TPRG1: variants seen among roughly 807,000 people sequenced by gnomAD.
TPRG1 encodes tumor protein p63 regulated 1, also known as tumor protein p63-regulated gene 1 protein.
In TPRG1, 29 loss-of-function variants were observed where a neutral mutation model predicts 29.3. The ratio of observed to expected loss-of-function variants is 0.99; its 90% CI spans 0.74 to 1.35. The LOEUF is 1.35. Ranked by LOEUF, TPRG1 falls within the 40% of genes most tolerant of loss-of-function variation. TPRG1 has a pLI of 0.00. For missense variants in TPRG1, 327 were observed against 335.0 expected, an observed-to-expected ratio of 0.98 and a Z score of 0.19; for synonymous variants, 130 against 116.8, an observed-to-expected ratio of 1.11 and a Z score of -0.73.
intron 4 of TPRG1, among the ~76,000 whole-genome samples, chr3:189,302,041 G>A (rs1720919825): frequency 6.6e-6 from 1 of 152,108 alleles, no homozygotes; most frequent in South Asian, 2.1e-4. Flanking sequence ...TACAAATTAT[G>A]GCACATAGCA....
chr3:189,098,087 G>C (rs1212911868), upstream of TPRG1, among the ~76,000 whole-genome samples: 1 of 152,220 alleles, frequency 6.6e-6, no homozygotes, highest in Admixed American at 6.5e-5. Context: ...TCAGGGGCCA[G>C]TGACCTAGTC....
intron 4 of TPRG1, among the ~76,000 whole-genome samples, chr3:189,272,674 C>G (rs1023232758): frequency 3.5e-5 from 5 of 143,146 alleles, no homozygotes; most frequent in Admixed American, 1.4e-4. Context: ...TTCTTCCTTC[C>G]TTTCTTTCCT....
At chr3:189,210,583 T>C (rs1397723368) in intron 2 of TPRG1, among the ~76,000 whole-genome samples, 1 of 152,236 alleles carries the variant, frequency 6.6e-6, no homozygotes, top group Non-Finnish European at 1.5e-5. Flanking sequence ...ATTCTCAATC[T>C]TTACTATGCA....
Position 189,088,968 on chromosome 3 carries a change from ATATCTATCTATCTATC to A in TPRG1, c.-462-38057_-462-38042del, listed in dbSNP as rs36139441. On this transcript the variant is annotated intron_variant, in intron 4 of 10. Transcript: ENST00000433971. ...CTGTCAGATATATGTGTATCTATTG[ATATCTATCTATCTATC>A]TATCTATCTATCTATCTATCTATCT... is the stretch of plus-strand genomic sequence containing the variant. Among the ~76,000 whole-genome samples, 435 of 148,996 alleles carry A rather than the reference ATATCTATCTATCTATC, an allele frequency of 2.9e-3. 2 individuals are homozygous for A. The highest frequency in any genetic ancestry group is 9.6e-3 in the African/African-American group (387 of 40,386).
chr3:189,310,424 C>T lies in TPRG1; in HGVS notation c.518C>T (p.Pro173Leu), dbSNP rs745626174. The T allele has an allele frequency of 2.1e-5, 34 of 1,610,820 alleles. No homozygotes were observed. The highest frequency in any genetic ancestry group is 8.9e-5 in the East Asian group (4 of 44,804). ...GEGLRIYWGS[P>L]EEQSLLSRWN... is the part of the protein sequence containing the mutation. ...GGCCTTAGGATCTACTGGGGGAGTC[C>T]GGAGGAGCAGTCTCTTCTGTCCCGC... Residue 173 changes from proline to leucine, a missense_variant, in exon 5 of 6, where the codon CCG becomes CTG. Transcript: ENST00000345063.
chr3:189,083,066 A>G (rs1038912404), intron 4 of TPRG1, among the ~76,000 whole-genome samples: 1 of 152,090 alleles, frequency 6.6e-6, no homozygotes, highest in Non-Finnish European at 1.5e-5. Flanking sequence ...ATTGAGTGCT[A>G]TAATTAGTGG....
At chr3:188,998,658 C>A (rs771296205) in intron 1 of TPRG1, among the ~76,000 whole-genome samples, 8 of 152,060 alleles carry the variant, frequency 5.3e-5, no homozygotes, top group Non-Finnish European at 1.0e-4. Flanking sequence ...GGAATGAAAC[C>A]CTGTCATTTG....
At chr3:189,019,146 T>A (rs1223198965) in intron 3 of TPRG1, among the ~76,000 whole-genome samples, 1 of 150,532 alleles carries the variant, frequency 6.6e-6, no homozygotes, top group Non-Finnish European at 1.5e-5. Flanking sequence ...GACAATGGGG[T>A]TTTCTAGATA....
At position 189,321,359 on chromosome 3, in the gene TPRG1, T is replaced by A. The variant is rs1253391156; in HGVS notation, c.*539T>A. ...TATCAGTGTCCCAGTGGCCTCTTAA[T>A]TGAGCATTATCAAAATCCTGTGGTA... On this transcript the variant is annotated 3_prime_UTR_variant, in exon 6 of 6. Transcript: ENST00000345063. 4 of 152,070 alleles carry A rather than the reference T, an allele frequency of 2.6e-5. No homozygotes were observed. The highest frequency in any genetic ancestry group is 9.7e-5 in the African/African-American group (4 of 41,436). The allele number at this position is 152,070 out of a possible 1,614,324, so 9.4% of individuals were successfully genotyped here.
intron 4 of TPRG1, among the ~76,000 whole-genome samples, chr3:189,244,199 G>A (rs752192657): frequency 3.9e-5 from 6 of 152,172 alleles, no homozygotes; most frequent in Non-Finnish European, 5.9e-5. Context: ...GGAGGCCAAG[G>A]TGGATGGATC....
chr3:189,153,066 A>G (rs1346585400), intron 5 of TPRG1, among the ~76,000 whole-genome samples: 1 of 152,218 alleles, frequency 6.6e-6, no homozygotes, highest in Non-Finnish European at 1.5e-5. Context: ...AATGGGAAAA[A>G]CTTTTGACTT....
intron 3 of TPRG1, among the ~76,000 whole-genome samples, chr3:189,009,782 C>CT (rs965594330): frequency 4.6e-5 from 7 of 151,550 alleles, no homozygotes; most frequent in South Asian, 4.2e-4. Flanking sequence ...AATTCTCTCT[C>CT]TTTTTTTTAT....
At chr3:189,166,050 A>C (rs1229048264) in intron 5 of TPRG1, among the ~76,000 whole-genome samples, 1 of 152,212 alleles carries the variant, frequency 6.6e-6, no homozygotes, top group Non-Finnish European at 1.5e-5. Context: ...AGTCCCCAAC[A>C]ACATAATAAA....
At chr3:189,309,206 T>C (rs1051643264) in intron 4 of TPRG1, among the ~76,000 whole-genome samples, 23 of 152,264 alleles carry the variant, frequency 1.5e-4, no homozygotes, top group Non-Finnish European at 8.8e-5. Flanking sequence ...TACTTTCCTT[T>C]TGTGAGAAAA....
intron 3 of TPRG1, among the ~76,000 whole-genome samples, chr3:189,021,772 T>C (rs1223733409): frequency 3.3e-5 from 5 of 152,118 alleles, no homozygotes; most frequent in Non-Finnish European, 7.4e-5. Context: ...AATTTGAACG[T>C]TGGCCTGCCT....
intron 4 of TPRG1, among the ~76,000 whole-genome samples, chr3:189,075,811 G>A (rs1277316482): frequency 6.6e-6 from 1 of 152,102 alleles, no homozygotes; most frequent in East Asian, 1.9e-4. Flanking sequence ...TTATGCACGG[G>A]GATAACCCCA....
chr3:189,181,346 C>A (rs113019221), intron 1 of TPRG1, among the ~76,000 whole-genome samples: 12,814 of 152,244 alleles, frequency 0.084, 646 homozygotes, highest in East Asian at 0.16. Context: ...CTCAGTCAGG[C>A]TGCAAATTTC....
At chr3:189,083,226 G>A (rs1231154753) in intron 4 of TPRG1, among the ~76,000 whole-genome samples, 1 of 152,168 alleles carries the variant, frequency 6.6e-6, no homozygotes, top group Non-Finnish European at 1.5e-5. Flanking sequence ...ATACTGCATG[G>A]AAGCCAGCAC....
intron 1 of TPRG1, among the ~76,000 whole-genome samples, chr3:189,193,442 A>C (rs1732025990): frequency 6.6e-6 from 1 of 152,070 alleles, no homozygotes; most frequent in African/African-American, 2.4e-5. Context: ...CCAGATTTAA[A>C]TATGCATATC....
Sources: gnomAD v4.1 joint callset for allele counts (sites outside exome capture counted in the v4.1 genomes callset) on GRCh38, gnomAD v4.1.1 for gene constraint, MANE v1.5 for transcripts, NCBI Gene and HGNC (gene_info 2026-07-23, HGNC 2026-07-21) for gene names.